Variants in CCDC7 observed in about 807,000 individuals in gnomAD.
The protein encoded by CCDC7 is coiled-coil domain containing 7.
In CCDC7, 183 loss-of-function variants were observed where a neutral mutation model predicts 196.9. The observed-to-expected ratio is 0.93, with a 90% CI of 0.82 to 1.05. The LOEUF is 1.05. CCDC7 is among the 50% of genes least tolerant of loss of function. CCDC7 has a pLI of 0.00. For synonymous variants in CCDC7, 525 were observed against 484.6 expected, an observed-to-expected ratio of 1.08 and a Z score of -1.10; for missense variants, 1,540 against 1,482.2, an observed-to-expected ratio of 1.04 and a Z score of -0.64.
chr10:32,739,036 T>C (rs552674507), intron 28 of CCDC7, among the ~76,000 whole-genome samples: 3 of 152,274 alleles, frequency 2.0e-5, no homozygotes, highest in Non-Finnish European at 2.9e-5. Flanking sequence ...TTTAAGTTTT[T>C]CCCACCTCTT....
intron 33 of CCDC7, among the ~76,000 whole-genome samples, chr10:32,835,126 G>A (rs1593279827): frequency 6.6e-6 from 1 of 152,170 alleles, no homozygotes; most frequent in Non-Finnish European, 1.5e-5. Context: ...AAAAATGCAA[G>A]GCTGTTGTGA....
At chr10:32,486,726 G>T (rs2041176333) in intron 8 of CCDC7, among the ~76,000 whole-genome samples, 1 of 141,162 alleles carries the variant, frequency 7.1e-6, no homozygotes, top group East Asian at 2.1e-4. Context: ...GTCTGTAAAG[G>T]ATTTTATTTC....
intron 29 of CCDC7, among the ~76,000 whole-genome samples, chr10:32,782,367 A>T (rs1466556345): frequency 6.6e-6 from 1 of 152,132 alleles, no homozygotes; most frequent in African/African-American, 2.4e-5. Flanking sequence ...AGCTGGAATT[A>T]CGGGCACATG....
At chr10:32,643,887 T>TGAAAATTAATTTTCAAAATTATTTA in intron 20 of CCDC7, among the ~76,000 whole-genome samples, 1 of 146,712 alleles carries the variant, frequency 6.8e-6, no homozygotes, top group Admixed American at 6.7e-5. Context: ...AAAATTATTT[T>TGAAAATTAATTTTCAAAATTATTTA]GAAAATTAAT....
At chr10:32,490,651 C>A (rs1380337762) in intron 8 of CCDC7, among the ~76,000 whole-genome samples, 1 of 151,918 alleles carries the variant, frequency 6.6e-6, no homozygotes, top group African/African-American at 2.4e-5. Flanking sequence ...AAAAAAATTA[C>A]CTGGGTGTGG....
intron 29 of CCDC7, among the ~76,000 whole-genome samples, chr10:32,782,411 A>G (rs1318458320): frequency 2.6e-5 from 4 of 152,160 alleles, no homozygotes; most frequent in Non-Finnish European, 5.9e-5. Flanking sequence ...TATGTTTAGA[A>G]GAAACGGGGT....
At chr10:32,761,820 G>A (rs2077508921) in intron 28 of CCDC7, among the ~76,000 whole-genome samples, 1 of 151,928 alleles carries the variant, frequency 6.6e-6, no homozygotes, top group South Asian at 2.1e-4. Flanking sequence ...ATGAAGCTAG[G>A]GATGTTTACC....
intron 18 of CCDC7, among the ~76,000 whole-genome samples, chr10:32,594,975 A>G (rs537897868): frequency 1.3e-5 from 2 of 152,296 alleles, no homozygotes; most frequent in African/African-American, 4.8e-5. Flanking sequence ...GTATTTTTGC[A>G]TCAACGTTCA....
chr10:32,795,913 G>A (rs2083476374), intron 29 of CCDC7, among the ~76,000 whole-genome samples: 1 of 152,106 alleles, frequency 6.6e-6, no homozygotes, highest in African/African-American at 2.4e-5. Flanking sequence ...CTACACAATA[G>A]TGCTTCTTAT....
chr10:32,828,492 GAAGAAGAAGAA>G (rs2091648814), intron 32 of CCDC7, among the ~76,000 whole-genome samples: 162 of 89,928 alleles, frequency 1.8e-3, no homozygotes, highest in African/African-American at 5.5e-3. Flanking sequence ...AGAGGAAGAA[GAAGAAGAAGAA>G]GAAGAAGAAG....
chr10:32,444,842 G>A (rs1159754592), upstream of CCDC7, among the ~76,000 whole-genome samples: 1 of 147,430 alleles, frequency 6.8e-6, no homozygotes, highest in African/African-American at 2.5e-5. Flanking sequence ...ATAAGCATAT[G>A]CCTTCATGTT....
chr10:32,799,539 G>T (rs1488712664), intron 29 of CCDC7, among the ~76,000 whole-genome samples: 3 of 152,134 alleles, frequency 2.0e-5, no homozygotes, highest in Non-Finnish European at 2.9e-5. Context: ...ATCCAAATAG[G>T]CCCACTAGGT....
At chr10:32,451,243 A>C (rs2032986120), upstream of CCDC7, among the ~76,000 whole-genome samples, 1 of 152,188 alleles carries the variant, frequency 6.6e-6, no homozygotes, top group African/African-American at 2.4e-5. Context: ...ACTCTTGGTT[A>C]GTCACTTAAC....
intron 16 of CCDC7, among the ~76,000 whole-genome samples, chr10:32,579,212 A>G (rs1174972043): frequency 6.6e-6 from 1 of 152,096 alleles, no homozygotes; most frequent in Non-Finnish European, 1.5e-5. Context: ...GTAGTCCACT[A>G]TGGAGTGTCA....
chr10:32,836,433 T>G lies in CCDC7; in HGVS notation c.3352+1535T>G, dbSNP rs572168138. ...TCCAGTTTTTATTCTAAAATTCTAG[T>G]TCTAGATCCTTGAGGAATCACCACA... On this transcript the variant is annotated intron_variant, in intron 33 of 41. Transcript: ENST00000639629. 7.9e-3 allele frequency among the ~76,000 whole-genome samples: 1,201 copies of G among 152,276 alleles called. 6 individuals carry two copies. Among genetic ancestry groups the G allele is most frequent in the Middle Eastern group, 0.02 (6 of 294 alleles).
At chr10:32,798,249 G>T (rs1198200076) in intron 29 of CCDC7, among the ~76,000 whole-genome samples, 1 of 152,184 alleles carries the variant, frequency 6.6e-6, no homozygotes, top group Non-Finnish European at 1.5e-5. Flanking sequence ...CCCGAGGAAT[G>T]GTGCCATATA....
intron 31 of CCDC7, among the ~76,000 whole-genome samples, chr10:32,818,889 T>A (rs368120909): frequency 6.6e-6 from 1 of 151,702 alleles, no homozygotes; most frequent in East Asian, 1.9e-4. Flanking sequence ...CACCCTAACG[T>A]CACAATTAAA....
intron 41 of CCDC7, among the ~76,000 whole-genome samples, chr10:32,861,391 C>G (rs1805887197): frequency 6.6e-6 from 1 of 151,958 alleles, no homozygotes; most frequent in African/African-American, 2.4e-5. Flanking sequence ...GAAACTGGAC[C>G]CCTCCCTTAC....
chr10:32,583,603 A>G (rs1186631521), intron 17 of CCDC7, among the ~76,000 whole-genome samples: 2 of 152,086 alleles, frequency 1.3e-5, no homozygotes, highest in African/African-American at 2.4e-5. Context: ...GGAAATTTTC[A>G]TAGTTTTCAG....
Sources: gnomAD v4.1 joint callset for allele counts (sites outside exome capture counted in the v4.1 genomes callset) on GRCh38, gnomAD v4.1.1 for gene constraint, MANE v1.5 for transcripts, NCBI Gene and HGNC (gene_info 2026-07-23, HGNC 2026-07-21) for gene names.